BTBD19: variants seen among roughly 807,000 people sequenced by gnomAD.
BTBD19 encodes the protein BTB domain containing 19, also known as BTB/POZ domain-containing protein 19.
A neutral mutation model predicts 36.1 loss-of-function variants in BTBD19; 20 were observed. The ratio of observed to expected loss-of-function variants is 0.55; its 90% CI spans 0.39 to 0.80. The LOEUF (loss-of-function observed/expected upper bound fraction) is 0.80, where lower values mean the gene tolerates loss of function less well. Ranked by LOEUF, BTBD19 falls within the 30% of genes least tolerant of loss-of-function variation. The pLI is 0.00. For synonymous variants in BTBD19, 157 were observed against 174.3 expected (o/e 0.90, Z 0.78); for missense variants, 325 against 389.8 (o/e 0.83, Z 1.40).
downstream of BTBD19, chr1:44,814,178 CTTTCTT>C (rs976052419): frequency 7.0e-6 from 1 of 142,702 alleles, no homozygotes; most frequent in African/African-American, 3.4e-5. Flanking sequence ...TTCTTTCTTT[CTTTCTT>C]TCTTTCTTTC....
At chr1:44,814,154 C>CTT (rs773819353), downstream of BTBD19, 4 of 100,726 alleles carry the variant, frequency 4.0e-5, no homozygotes, top group Non-Finnish European at 7.8e-5. Context: ...CTTTCTCTTT[C>CTT]TTTCTTTCTT....
chr1:44,809,626 G>C (rs1652305600), intron 1 of BTBD19, among the ~76,000 whole-genome samples: 1 of 152,244 alleles, frequency 6.6e-6, no homozygotes, highest in Admixed American at 6.5e-5. Context: ...AGCCTCATCT[G>C]CCTCCTATCC....
exon 8 of BTBD19, chr1:44,814,072 C>T (rs1652573206): frequency 1.8e-6 from 1 of 553,798 alleles, no homozygotes; most frequent in Non-Finnish European, 3.2e-6. Flanking sequence ...TGGGCATTGT[C>T]GTCTACTAGT....
chr1:44,813,252 TG>T lies in BTBD19; in HGVS notation c.601del (p.Ala201ArgfsTer20). 1 of 1,535,044 alleles carries T rather than the reference TG, an allele frequency of 6.5e-7. No individual in the cohort carries two copies. Among genetic ancestry groups the T allele is most frequent in the Non-Finnish European group, 8.7e-7 (1 of 1,142,912 alleles). On this transcript the variant is annotated frameshift_variant, in exon 6 of 8. Coordinates refer to ENST00000450269, the Ensembl canonical transcript of BTBD19. LOFTEE classifies it high-confidence loss of function. This position sits in a 1 kb window ranked among gnomAD's most constrained non-coding sequence, Gnocchi z 7.8. ...TGAACTGGTCCGCGCGGCCCGAAGC[TG>T]GGCGCGCGTGGGCGCGGTGAGTGGG... is the stretch of plus-strand genomic sequence containing the variant.
chr1:44,808,779 G>A, exon 1 of BTBD19: 1 of 1,449,264 alleles, frequency 6.9e-7, no homozygotes, highest in Non-Finnish European at 9.3e-7. Context: ...GGCCTGGCCA[G>A]GCCTCCCAGG....
rs1422094226 is a variant in BTBD19 at position 44,813,390 on chromosome 1, C to G, written c.632C>G (p.Pro211Arg). The G allele has an allele frequency of 1.3e-6, 2 of 1,538,208 alleles. No individual in the cohort carries two copies. Among genetic ancestry groups the G allele is most frequent in the East Asian group, 2.4e-5 (1 of 40,908 alleles). Reference sequence around the variant, plus strand: ...CGTTTGCAGGCGGTGCTGGAGCGGCCGGTGGCTGAGGTGGCGGCCCCGGTG... The same window carrying G: ...CGTTTGCAGGCGGTGCTGGAGCGGCGGGTGGCTGAGGTGGCGGCCCCGGTG... Residue 211 changes from proline to arginine, a missense_variant, in exon 7 of 8, where the codon CCG (proline) becomes CGG (arginine). Physicochemically the swap from Pro to Arg is moderately radical, Grantham distance 103 (BLOSUM62 -2). Transcript: ENST00000450269. This position sits in a 1 kb window ranked among gnomAD's most constrained non-coding sequence, Gnocchi z 7.8.
In BTBD19 at chr1:44,810,423, C is replaced by T; in HGVS notation, c.297C>T (p.His99=). The change falls in exon 2 of 8, where the codon CAC becomes CAT. Residue 99 remains histidine, a synonymous_variant. Coordinates refer to ENST00000450269, the Ensembl canonical transcript of BTBD19. This position sits in a 1 kb window ranked among gnomAD's most constrained non-coding sequence, Gnocchi z 4.2. ...CCAACAGTGTCAAGCTGTACCGCCA[C>T]TCTGTGAGCCTGCTGACCAGGGGCC... The T allele has an allele frequency of 5.8e-6, 9 of 1,551,540 alleles. No individual in the cohort carries two copies. The highest frequency in any genetic ancestry group is 1.4e-5 in the African/African-American group (1 of 73,176).
At chr1:44,811,817 TA>T in intron 3 of BTBD19, 1 of 348,370 alleles carries the variant, frequency 2.9e-6, no homozygotes, top group Non-Finnish European at 5.8e-6. Context: ...GTGGCGAATG[TA>T]CTAGAAGGTG....
rs1212495099 is a variant in BTBD19 at position 44,810,109 on chromosome 1, C to T, written c.87-104C>T. 3.8e-6 allele frequency: 4 copies of T among 1,041,408 alleles called. No individual in the cohort carries two copies. The highest frequency in any genetic ancestry group is 3.2e-5 in the African/African-American group (2 of 63,284). The allele number at this position is 1,041,408 out of a possible 1,614,324, so 64.5% of individuals were successfully genotyped here. On this transcript the variant is annotated intron_variant, in intron 1 of 7. Coordinates refer to ENST00000450269, the Ensembl canonical transcript of BTBD19. This position sits in a 1 kb window ranked among gnomAD's most constrained non-coding sequence, Gnocchi z 4.2. ...TGGAGGGACGAAGCCCTGTCTCTTA[C>T]ATTCTGGTTAGGAAACTAAGACCCA... is the stretch of plus-strand genomic sequence containing the variant.
chr1:44,808,781 C>T, exon 1 of BTBD19: 1 of 1,457,556 alleles, frequency 6.9e-7, no homozygotes, highest in East Asian at 2.5e-5. Flanking sequence ...CCTGGCCAGG[C>T]CTCCCAGGCT....
downstream of BTBD19, chr1:44,815,307 A>C (rs1652655644): frequency 6.6e-6 from 1 of 152,214 alleles, no homozygotes; most frequent in Non-Finnish European, 1.5e-5. Flanking sequence ...ACTCAAAACT[A>C]CTAGTGAGTG....
intron 1 of BTBD19, among the ~76,000 whole-genome samples, chr1:44,809,823 G>A (rs1458256771): frequency 6.6e-6 from 1 of 152,216 alleles, no homozygotes. Context: ...GCTGGTGGAG[G>A]AGGAGCCAAA....
At chr1:44,812,755 G>GTAGGGAAGA (rs1652478423) in intron 4 of BTBD19, among the ~76,000 whole-genome samples, 1 of 151,754 alleles carries the variant, frequency 6.6e-6, no homozygotes, top group South Asian at 2.1e-4. Context: ...GTGGTCTCCT[G>GTAGGGAAGA]TAGGGAAGAG....
chr1:44,814,156 T>TTC (rs1480517758), downstream of BTBD19: 1 of 106,612 alleles, frequency 9.4e-6, no homozygotes, highest in Admixed American at 9.6e-5. Flanking sequence ...TTCTCTTTCT[T>TTC]TCTTTCTTTC....
chr1:44,814,667 C>G (rs1392644863), downstream of BTBD19: 1 of 151,486 alleles, frequency 6.6e-6, no homozygotes, highest in Non-Finnish European at 1.5e-5. Flanking sequence ...ATTCTCGTGC[C>G]TCAGCCTCCT....
In BTBD19 at chr1:44,810,499, G is replaced by T. The variant is rs1652355430; in HGVS notation, c.301-55G>T. On this transcript the variant is annotated intron_variant, in intron 2 of 7. Transcript: ENST00000450269. This position sits in a 1 kb window ranked among gnomAD's most constrained non-coding sequence, Gnocchi z 4.2. ...GAGGCAGGAGTTTGCCCATTACACT[G>T]TGGGCACAGGGCAGGGGAAACTCCC... The T allele has an allele frequency of 1.6e-5, 25 of 1,550,088 alleles. No individual in the cohort carries two copies. The highest frequency in any genetic ancestry group is 2.4e-5 in the South Asian group (2 of 83,558).
In BTBD19 at chr1:44,810,752, C is replaced by A; in HGVS notation, c.354+145C>A. Reference sequence around the variant, plus strand: ...GTATATCTCTCCCAAGTAAGTAGGGCATGTATGTGTGCCTGTGTGCAAAAG... The same window carrying A: ...GTATATCTCTCCCAAGTAAGTAGGGAATGTATGTGTGCCTGTGTGCAAAAG... On this transcript the variant is annotated intron_variant, in intron 3 of 7. Transcript: ENST00000450269. The surrounding 1 kb of genome is among the most constrained non-coding windows in gnomAD (Gnocchi z 4.2). The A allele has an allele frequency of 1.4e-6, 1 of 716,488 alleles. No homozygotes were observed. Among genetic ancestry groups the A allele is most frequent in the Non-Finnish European group, 2.1e-6 (1 of 471,748 alleles). 44.4% of individuals were successfully genotyped at this position (716,488 alleles called of 1,614,324 possible).
At chr1:44,815,516 T>C (rs937229382), downstream of BTBD19, 1 of 152,214 alleles carries the variant, frequency 6.6e-6, no homozygotes, top group African/African-American at 2.4e-5. Context: ...TCTTACTCGT[T>C]TCTGCTTCCT....
At chr1:44,814,210 C>CTTTCTTTCTTTT (rs1194652650), downstream of BTBD19, 2 of 100,014 alleles carry the variant, frequency 2.0e-5, no homozygotes, top group Non-Finnish European at 3.9e-5. Flanking sequence ...TTCTTTCTTT[C>CTTTCTTTCTTTT]TTTTTCTTTC....
Sources: allele counts gnomAD v4.1 joint callset (sites outside exome capture counted in the v4.1 genomes callset), GRCh38; gene constraint gnomAD v4.1.1; non-coding constraint Gnocchi (gnomAD v3.1); transcripts MANE v1.5; gene names NCBI Gene and HGNC (gene_info 2026-07-23, HGNC 2026-07-21).